Variants in CSMD1 observed in about 807,000 individuals in gnomAD.
The protein encoded by CSMD1 is CUB and Sushi multiple domains 1.
In CSMD1, 213 loss-of-function variants were observed where a neutral mutation model predicts 417.5. That is an observed-to-expected ratio of 0.51 (90% CI 0.46 to 0.57). The LOEUF is 0.57. CSMD1 is among the 20% of genes least tolerant of loss of function. CSMD1 has a pLI of 0.00. For missense variants in CSMD1, 6,923 were observed against 4,529.7 expected, an observed-to-expected ratio of 1.53 and a Z score of -15.17; for synonymous variants, 2,862 against 1,736.8, an observed-to-expected ratio of 1.65 and a Z score of -16.11.
intron 26 of CSMD1, among the ~76,000 whole-genome samples, chr8:3,235,916 G>GTT (rs11414439): frequency 0.56 from 66,397 of 118,570 alleles, 20,954 homozygotes; most frequent in South Asian, 0.68. Context: ...GAAGATGTAA[G>GTT]TTTTTTTTTT....
chr8:3,791,071 G>A (rs886300409), intron 5 of CSMD1, among the ~76,000 whole-genome samples: 1 of 152,170 alleles, frequency 6.6e-6, no homozygotes, highest in East Asian at 1.9e-4. Flanking sequence ...GCTACTTGGT[G>A]AGAAATTAAT....
chr8:3,068,778 T>A (rs1477992270), intron 49 of CSMD1, among the ~76,000 whole-genome samples: 1 of 152,012 alleles, frequency 6.6e-6, no homozygotes, highest in South Asian at 2.1e-4. Flanking sequence ...CAGCAATAAG[T>A]CGTGAGGGAT....
At chr8:4,213,308 C>T (rs1432641616) in intron 3 of CSMD1, among the ~76,000 whole-genome samples, 3 of 152,130 alleles carry the variant, frequency 2.0e-5, no homozygotes, top group Non-Finnish European at 4.4e-5. Context: ...TCACACCACA[C>T]CTCTCTGCTC....
chr8:3,192,021 A>G (rs1688541661), intron 33 of CSMD1, among the ~76,000 whole-genome samples: 1 of 152,174 alleles, frequency 6.6e-6, no homozygotes, highest in Non-Finnish European at 1.5e-5. Context: ...TTTCTGTTGA[A>G]TCAGACCAAC....
chr8:3,583,116 C>G (rs1285161730), intron 9 of CSMD1, among the ~76,000 whole-genome samples: 3 of 152,130 alleles, frequency 2.0e-5, no homozygotes, highest in Non-Finnish European at 4.4e-5. Context: ...TCATCCCTAT[C>G]TTTCCTTCCT....
intron 5 of CSMD1, among the ~76,000 whole-genome samples, chr8:3,955,902 C>G (rs1044917620): frequency 6.6e-6 from 1 of 152,236 alleles, no homozygotes. Context: ...TCACTTCAAC[C>G]TTTGCCTCCC....
chr8:4,622,495 T>G (rs1801840290), intron 2 of CSMD1, among the ~76,000 whole-genome samples: 1 of 152,174 alleles, frequency 6.6e-6, no homozygotes, highest in East Asian at 1.9e-4. Flanking sequence ...AAGCAGAAAT[T>G]AGTAAGAATG....
intron 5 of CSMD1, among the ~76,000 whole-genome samples, chr8:3,980,725 A>C (rs1238009215): frequency 7.9e-5 from 12 of 152,182 alleles, no homozygotes; most frequent in African/African-American, 2.9e-4. Context: ...AGAAGTAAGA[A>C]GCCCCCACCC....
At chr8:3,304,013 G>T (rs913600269) in intron 25 of CSMD1, among the ~76,000 whole-genome samples, 1 of 152,082 alleles carries the variant, frequency 6.6e-6, no homozygotes, top group African/African-American at 2.4e-5. Context: ...TATATAAGCA[G>T]AAGTTGCTCT....
intron 41 of CSMD1, among the ~76,000 whole-genome samples, chr8:3,136,858 T>C (rs79158051): frequency 0.015 from 2,351 of 152,310 alleles, 22 homozygotes; most frequent in Non-Finnish European, 0.025. Context: ...CACATGGTAT[T>C]TGTGCCAGTA....
intron 1 of CSMD1, among the ~76,000 whole-genome samples, chr8:4,691,475 T>A (rs191375195): frequency 6.6e-6 from 1 of 152,344 alleles, no homozygotes; most frequent in Non-Finnish European, 1.5e-5. Context: ...GATGGAACTC[T>A]CCGCCTGTGA....
At chr8:4,138,320 G>A (rs942830326) in intron 3 of CSMD1, among the ~76,000 whole-genome samples, 1 of 150,378 alleles carries the variant, frequency 6.6e-6, no homozygotes, top group African/African-American at 2.5e-5. Context: ...TCAGAGTTGA[G>A]ATTTACACAT....
chr8:3,889,544 T>A (rs1806810727), intron 5 of CSMD1, among the ~76,000 whole-genome samples: 1 of 86,634 alleles, frequency 1.2e-5, no homozygotes, highest in South Asian at 4.5e-4. Flanking sequence ...TACACACATA[T>A]GTGTATATGT....
chr8:3,084,661 T>C (rs1814393059), intron 49 of CSMD1, among the ~76,000 whole-genome samples: 1 of 152,012 alleles, frequency 6.6e-6, no homozygotes, highest in South Asian at 2.1e-4. Flanking sequence ...TATAGCTAAA[T>C]CACCTTTAAC....
At chr8:4,506,273 G>A (rs1011847950) in intron 2 of CSMD1, among the ~76,000 whole-genome samples, 4 of 152,164 alleles carry the variant, frequency 2.6e-5, no homozygotes, top group East Asian at 1.9e-4. Context: ...AGGAACAGAC[G>A]GATTCATGGA....
At chr8:4,447,645 G>T (rs73660844) in intron 2 of CSMD1, among the ~76,000 whole-genome samples, 1 of 152,098 alleles carries the variant, frequency 6.6e-6, no homozygotes, top group African/African-American at 2.4e-5. Flanking sequence ...ACAGGTTTAC[G>T]GAAAAGGAAG....
At chr8:3,199,543 T>C (rs1796879472) in intron 33 of CSMD1, among the ~76,000 whole-genome samples, 171 bp downstream of exon 33, 1 of 152,170 alleles carries the variant, frequency 6.6e-6, no homozygotes, top group Admixed American at 6.5e-5. Flanking sequence ...TGTCAAAAAA[T>C]TGTAATATTT....
rs1796557085 is a variant in CSMD1, at chr8:4,770,709, G to T, written c.86-133151C>A. Among the ~76,000 whole-genome samples the T allele has an allele frequency of 3.0e-5, 4 of 135,430 alleles. No homozygotes were observed. In the South Asian group the frequency reaches 7.4e-4, roughly 25 times the overall value. 88.8% of individuals were successfully genotyped at this position (135,430 alleles called of 152,430 possible). On this transcript the variant is annotated intron_variant, in intron 1 of 69. Coordinates refer to ENST00000635120, the MANE Select transcript of CSMD1 (RefSeq NM_033225.6). The stretch of plus-strand genomic sequence containing the variant: ...CAAGAGTACAAAAAGGATACAATGG[G>T]GAAAGAATAATCTTGTCAAAAAATG...
At chr8:3,551,519 C>G (rs1798910345) in intron 10 of CSMD1, among the ~76,000 whole-genome samples, 3 of 151,004 alleles carry the variant, frequency 2.0e-5, no homozygotes, top group Non-Finnish European at 4.4e-5. Context: ...CTTTACGTCC[C>G]TAACCACTGC....
Sources: gnomAD v4.1 joint callset for allele counts (sites outside exome capture counted in the v4.1 genomes callset) on GRCh38, gnomAD v4.1.1 for gene constraint, MANE v1.5 for transcripts, NCBI Gene and HGNC (gene_info 2026-07-23, HGNC 2026-07-21) for gene names.